The following ZNF592 variants were observed in gnomAD, a reference collection of about 807,000 sequenced individuals.
ZNF592 encodes the protein spinocerebellar ataxia, autosomal recessive 5.
Under a neutral mutation model 80.3 loss-of-function variants are expected in ZNF592, and 11 were observed. The ratio of observed to expected loss-of-function variants is 0.14; its 90% CI spans 0.09 to 0.23. The LOEUF (loss-of-function observed/expected upper bound fraction) is 0.23, where lower values mean the gene tolerates loss of function less well. Among genes scored for constraint, ZNF592 ranks in the 10% least tolerant of loss-of-function variants. The pLI is 1.00. For synonymous variants in ZNF592, 646 were observed against 640.3 expected, an observed-to-expected ratio of 1.01 and a Z score of -0.13; for missense variants, 1,420 against 1,633.9, an observed-to-expected ratio of 0.87 and a Z score of 2.26.
At position 84,782,773 on chromosome 15, in the gene ZNF592, C is replaced by T. The variant is rs780129316; in HGVS notation, c.98C>T (p.Pro33Leu). ...GATGCCAAGGAGGCCATCCAGACAC[C>T]CAGTGAGGAGAATGAGAGTCCCCTC... is the stretch of plus-strand genomic sequence containing the variant. Reference protein sequence around the residue: ...SLDAKEAIQTPSEENESPLKP... With the variant: ...SLDAKEAIQTLSEENESPLKP... The change falls in exon 4 of 11, where the codon CCC becomes CTC. Residue 33 changes from proline to leucine, a missense_variant. Physicochemically the swap from Pro to Leu is moderately conservative, Grantham distance 98. Coordinates refer to ENST00000560079, the MANE Select transcript of ZNF592 (RefSeq NM_014630.3). 2 of 1,614,056 alleles carry T rather than the reference C, an allele frequency of 1.2e-6. No individual in the cohort carries two copies. The highest frequency in any genetic ancestry group is 1.7e-6 in the Non-Finnish European group (2 of 1,180,026).
intron 1 of ZNF592, among the ~76,000 whole-genome samples, chr15:84,751,500 T>A (rs1165018396): frequency 6.6e-6 from 1 of 152,220 alleles, no homozygotes; most frequent in Admixed American, 6.5e-5. Context: ...CAGATAAAAC[T>A]CCCTCATACA....
rs1963140053 is a variant in ZNF592, at chr15:84,802,803, A to G, written c.*410A>G. ...AGAGCTCTATTTTCCTGCAGACACC[A>G]GCTCTCCTTCCTGCCTTTAGATCCT... On this transcript the variant is annotated 3_prime_UTR_variant, in exon 11 of 11. Coordinates refer to ENST00000560079, the MANE Select transcript of ZNF592 (RefSeq NM_014630.3). The G allele has an allele frequency of 4.5e-6, 1 of 220,984 alleles. No homozygotes were observed. The highest frequency in any genetic ancestry group is 6.5e-5 in the South Asian group (1 of 15,298). 13.7% of individuals were successfully genotyped at this position (220,984 alleles called of 1,614,324 possible). A position where few individuals can be genotyped will look rare whatever the true frequency, so the allele number is the denominator to read the frequency against.
rs1963223884 is a variant in ZNF592, at chr15:84,805,850, C to G, written c.*3457C>G. On this transcript the variant is annotated 3_prime_UTR_variant, in exon 11 of 11. Transcript: ENST00000560079. ...CCCATGGAGGTCAGCCTCTAGTCCCCTCTCCAGAGTTAATCACTGTTATCT... is the reference window on the plus strand; with the variant it reads ...CCCATGGAGGTCAGCCTCTAGTCCCGTCTCCAGAGTTAATCACTGTTATCT... 1 of 152,602 alleles carries G rather than the reference C, an allele frequency of 6.6e-6. No homozygotes were observed. Among genetic ancestry groups the G allele is most frequent in the African/African-American group, 2.4e-5 (1 of 41,428 alleles). The allele number at this position is 152,602 out of a possible 1,614,324, so 9.5% of individuals were successfully genotyped here.
At chr15:84,779,294 G>A (rs764565282) in intron 3 of ZNF592, among the ~76,000 whole-genome samples, 3 of 151,922 alleles carry the variant, frequency 2.0e-5, no homozygotes, top group Admixed American at 6.6e-5. Flanking sequence ...TTTTATAACG[G>A]TACATTTTGA....
Position 84,784,611 on chromosome 15 carries a change from A to G in ZNF592, c.1936A>G (p.Met646Val). Residue 646 changes from methionine (M) to valine (V), a missense_variant, in exon 4 of 11, where the codon ATG becomes GTG. Met to Val is a conservative substitution (Grantham distance 21). Transcript: ENST00000560079. The surrounding 1 kb of genome is among the most constrained non-coding windows in gnomAD (Gnocchi z 5.8). ...ARDHKSKGLV[M>V]QCSQLLVKPI... ...TGACCACAAGAGCAAGGGGCTCGTC[A>G]TGCAGTGTTCCCAGCTGCTGGTGAA... is the stretch of plus-strand genomic sequence containing the variant. 6.2e-7 allele frequency: 1 copy of G among 1,614,164 alleles called. No individual in the cohort carries two copies. Among genetic ancestry groups the G allele is most frequent in the Non-Finnish European group, 8.5e-7 (1 of 1,180,014 alleles).
chr15:84,801,849 G>T lies in ZNF592; in HGVS notation c.3274-14G>T. 6 of 1,613,954 alleles carry T rather than the reference G, an allele frequency of 3.7e-6. No homozygotes were observed. Among genetic ancestry groups the T allele is most frequent in the Non-Finnish European group, 5.1e-6 (6 of 1,179,870 alleles). On this transcript the variant is annotated splice_polypyrimidine_tract_variant and intron_variant, in intron 10 of 10. Coordinates refer to ENST00000560079, the MANE Select transcript of ZNF592 (RefSeq NM_014630.3). ...GCTTGGCCTGGACTTTGCTCATGCT[G>T]TCTCTCCTTTTAGGTGAACCATCTG...
At chr15:84,752,966 C>T (rs1405924510) in intron 1 of ZNF592, among the ~76,000 whole-genome samples, 3 of 152,096 alleles carry the variant, frequency 2.0e-5, no homozygotes, top group African/African-American at 4.8e-5. Context: ...CACTTTCTGG[C>T]CAGGGCTGGG....
chr15:84,799,059 C>G lies in ZNF592; in HGVS notation c.3025-39C>G. 6.2e-7 allele frequency: 1 copy of G among 1,601,182 alleles called. No homozygotes were observed. Among genetic ancestry groups the G allele is most frequent in the Non-Finnish European group, 8.6e-7 (1 of 1,168,078 alleles). Reference sequence around the variant, plus strand: ...GAAAAATGCACCCAGAACTATCTTACAGTTCTGATGCTTTGTGTGTTGCCA... The same window carrying G: ...GAAAAATGCACCCAGAACTATCTTAGAGTTCTGATGCTTTGTGTGTTGCCA... On this transcript the variant is annotated intron_variant, in intron 8 of 10. Coordinates refer to ENST00000560079, the MANE Select transcript of ZNF592 (RefSeq NM_014630.3). The surrounding 1 kb of genome is among the most constrained non-coding windows in gnomAD (Gnocchi z 4.2).
chr15:84,758,252 C>T (rs981227635), intron 1 of ZNF592, among the ~76,000 whole-genome samples: 6 of 152,046 alleles, frequency 3.9e-5, no homozygotes, highest in Non-Finnish European at 8.8e-5. Context: ...GGATTACAGG[C>T]ATGAGCCACA....
At position 84,784,702 on chromosome 15, in the gene ZNF592, C is replaced by T. The variant is rs1047483518; in HGVS notation, c.2027C>T (p.Ala676Val). Residue 676 changes from alanine to valine, a missense_variant, in exon 4 of 11, where the codon GCC (alanine) becomes GTC (valine). Coordinates refer to ENST00000560079, the MANE Select transcript of ZNF592 (RefSeq NM_014630.3). This position sits in a 1 kb window ranked among gnomAD's most constrained non-coding sequence, Gnocchi z 5.8. ...AACTCCACGGCACCAGCAGCCCCAG[C>T]CCCTTCATCCTCTCCCAAACATGGC... ...PVNSTAPAAP[A>V]PSSSPKHGLT... 1 of 1,613,982 alleles carries T rather than the reference C, an allele frequency of 6.2e-7. No individual in the cohort carries two copies. Among genetic ancestry groups the T allele is most frequent in the Admixed American group, 1.7e-5 (1 of 60,000 alleles).
intron 1 of ZNF592, among the ~76,000 whole-genome samples, chr15:84,755,766 G>C (rs1353734608): frequency 6.6e-6 from 1 of 152,126 alleles, no homozygotes; most frequent in Admixed American, 6.5e-5. Context: ...AAACTGCCTA[G>C]AACTATGTCC....
At position 84,764,770 on chromosome 15, in the gene ZNF592, C is replaced by A; in HGVS notation, c.-195C>A. On this transcript the variant is annotated 5_prime_UTR_variant, in exon 2 of 11. Transcript: ENST00000560079. ...TTTTTCCTTTCTCCGCAGCTCTGCT[C>A]CCCTAGCAACGCTCGCCACACCCTT... is the stretch of plus-strand genomic sequence containing the variant. 1 of 398,942 alleles carries A rather than the reference C, an allele frequency of 2.5e-6. No homozygotes were observed. The highest frequency in any genetic ancestry group is 4.4e-6 in the Non-Finnish European group (1 of 226,052). 24.7% of individuals were successfully genotyped at this position (398,942 alleles called of 1,614,324 possible). A position where few individuals can be genotyped will look rare whatever the true frequency, so the allele number is the denominator to read the frequency against.
chr15:84,792,462 TA>T (rs1414311675), intron 5 of ZNF592, among the ~76,000 whole-genome samples: 2 of 152,210 alleles, frequency 1.3e-5, no homozygotes, highest in Admixed American at 6.5e-5. Flanking sequence ...TTTATTTGTA[TA>T]TTTTTTTGAG....
intron 5 of ZNF592, among the ~76,000 whole-genome samples, chr15:84,794,927 C>T (rs1285502069): frequency 3.3e-5 from 5 of 152,100 alleles, no homozygotes; most frequent in Non-Finnish European, 7.4e-5. Context: ...TTCTCCCATT[C>T]TGTGGATGTT....
rs369108416 is a variant in ZNF592 at position 84,790,751 on chromosome 15, G to C, written c.2267G>C (p.Cys756Ser). 6.2e-7 allele frequency: 1 copy of C among 1,614,136 alleles called. No individual in the cohort carries two copies. The highest frequency in any genetic ancestry group is 1.3e-5 in the African/African-American group (1 of 75,036). Residue 756 changes from cysteine to serine, a missense_variant, in exon 5 of 11, where the codon TGT becomes TCT. Transcript: ENST00000560079. ...QMLLPNQCSF[C>S]AHQRIHAHKS... ...CTGCTGCCCAACCAGTGCAGTTTCTGTGCCCACCAGCGGATTCATGCACAC... is the reference window on the plus strand; with the variant it reads ...CTGCTGCCCAACCAGTGCAGTTTCTCTGCCCACCAGCGGATTCATGCACAC...
chr15:84,754,147 C>T (rs922922809), intron 1 of ZNF592, among the ~76,000 whole-genome samples: 5 of 152,186 alleles, frequency 3.3e-5, no homozygotes, highest in African/African-American at 1.2e-4. Context: ...TTTGGTGCCA[C>T]GGCAGTCATT....
At chr15:84,786,432 G>A (rs1334616218) in intron 4 of ZNF592, among the ~76,000 whole-genome samples, 1 of 152,146 alleles carries the variant, frequency 6.6e-6, no homozygotes, top group Non-Finnish European at 1.5e-5. Context: ...TTTGAGTATA[G>A]GGAGCAAAGG....
intron 1 of ZNF592, among the ~76,000 whole-genome samples, chr15:84,760,148 C>A (rs1317313969): frequency 6.6e-6 from 1 of 151,944 alleles, no homozygotes; most frequent in African/African-American, 2.4e-5. Flanking sequence ...AAAGAACCAC[C>A]TACAACAAAT....
At chr15:84,770,448 G>A (rs1434309999) in intron 2 of ZNF592, among the ~76,000 whole-genome samples, 1 of 152,174 alleles carries the variant, frequency 6.6e-6, no homozygotes, top group African/African-American at 2.4e-5. Context: ...AAAAGGGAGA[G>A]TGAGGTGACT....
Sources: gnomAD v4.1 joint callset for allele counts (sites outside exome capture counted in the v4.1 genomes callset) on GRCh38, gnomAD v4.1.1 for gene constraint, Gnocchi (gnomAD v3.1) non-coding constraint, MANE v1.5 for transcripts, NCBI Gene and HGNC (gene_info 2026-07-23, HGNC 2026-07-21) for gene names.